Variants in CHURC1 observed in about 807,000 individuals in gnomAD.
CHURC1 encodes the protein protein Churchill.
Under a neutral mutation model 15.4 loss-of-function variants are expected in CHURC1, and 12 were observed. That is an observed-to-expected ratio of 0.78 (90% CI 0.50 to 1.27). The LOEUF (loss-of-function observed/expected upper bound fraction) is 1.27, where lower values mean the gene tolerates loss of function less well. Among genes scored for constraint, CHURC1 ranks in the 50% most tolerant of loss-of-function variants. The pLI is 0.00. For missense variants in CHURC1, 132 were observed against 137.8 expected (o/e 0.96, Z 0.21); for synonymous variants, 42 against 47.5 (o/e 0.88, Z 0.48).
intron 1 of CHURC1, 126 bp downstream of exon 1, chr14:64,914,660 T>C: frequency 2.6e-6 from 4 of 1,532,552 alleles, no homozygotes; most frequent in Non-Finnish European, 3.5e-6. Flanking sequence ...GGTGACCCAG[T>C]AGCGGTATTT....
Position 64,933,926 on chromosome 14 carries a change from A to G in CHURC1, c.*1696A>G. The G allele has an allele frequency of 1.0e-6, 1 of 985,370 alleles. No individual in the cohort carries two copies. The highest frequency in any genetic ancestry group is 4.7e-5 in the South Asian group (1 of 21,286). The allele number at this position is 985,370 out of a possible 1,614,324, so 61.0% of individuals were successfully genotyped here. On this transcript the variant is annotated 3_prime_UTR_variant, in exon 4 of 4. Transcript: ENST00000549115. ...TTAACAAATTCATAAGGTAGGTGCT[A>G]TTGATAGTTTAGCCATAACCAGATA...
intron 1 of CHURC1, 128 bp downstream of exon 1, chr14:64,914,662 G>A: frequency 6.5e-7 from 1 of 1,535,808 alleles, no homozygotes; most frequent in Non-Finnish European, 8.8e-7. Context: ...TGACCCAGTA[G>A]CGGTATTTAG....
At chr14:64,918,394 GACTA>G (rs1172888293) in intron 1 of CHURC1, among the ~76,000 whole-genome samples, 3 of 152,190 alleles carry the variant, frequency 2.0e-5, no homozygotes, top group South Asian at 4.1e-4. Flanking sequence ...GTTCAGTAGA[GACTA>G]ACTGACCATT....
At chr14:64,918,061 A>G (rs997083667) in intron 1 of CHURC1, among the ~76,000 whole-genome samples, 11 of 152,242 alleles carry the variant, frequency 7.2e-5, no homozygotes, top group Non-Finnish European at 1.0e-4. Flanking sequence ...GTAGAGAATC[A>G]AGGACTGAGC....
intron 1 of CHURC1, among the ~76,000 whole-genome samples, chr14:64,914,900 G>T (rs1883756770): frequency 6.6e-6 from 1 of 152,218 alleles, no homozygotes; most frequent in South Asian, 2.1e-4. Flanking sequence ...CGCTGGAGGG[G>T]ACCTCTGTGG....
At chr14:64,929,939 G>C (rs1594904340) in intron 3 of CHURC1, among the ~76,000 whole-genome samples, 1 of 143,324 alleles carries the variant, frequency 7.0e-6, no homozygotes, top group Non-Finnish European at 1.5e-5. Flanking sequence ...CCTAGCAAAA[G>C]CCCCCCCCCA....
rs2139896639 is a variant in CHURC1 at position 64,924,084 on chromosome 14, T to A, written c.133T>A (p.Ser45Thr). 1.9e-6 allele frequency: 3 copies of A among 1,608,748 alleles called. No individual in the cohort carries two copies. The highest frequency in any genetic ancestry group is 1.7e-6 in the Non-Finnish European group (2 of 1,177,224). The change falls in exon 2 of 4, where the codon TCC (serine) becomes ACC (threonine). Residue 45 changes from serine to threonine, a missense_variant. Transcript: ENST00000549115. ...GGATTTTATGCTGATCACAAACAAA[T>A]CCTTGAAAGAAGAAGATGGAGAAGA... is the stretch of plus-strand genomic sequence containing the variant. ...KRDFMLITNK[S>T]LKEEDGEEIV...
intron 1 of CHURC1, among the ~76,000 whole-genome samples, chr14:64,916,646 C>T (rs1315934639): frequency 5.9e-5 from 9 of 152,082 alleles, no homozygotes; most frequent in African/African-American, 1.9e-4. Flanking sequence ...GGCATGATCT[C>T]GGCTCACTGC....
intron 1 of CHURC1, among the ~76,000 whole-genome samples, chr14:64,920,990 G>T (rs1009993920): frequency 3.9e-5 from 6 of 152,180 alleles, no homozygotes; most frequent in Admixed American, 3.9e-4. Flanking sequence ...AAGAGAGTTT[G>T]ATATTAGTGG....
intron 3 of CHURC1, chr14:64,930,726 C>G: frequency 4.8e-6 from 2 of 414,604 alleles, no homozygotes; most frequent in South Asian, 3.5e-5. Context: ...GTTGAAAACT[C>G]AAGTATTTGT....
At chr14:64,916,783 T>C (rs1367815375) in intron 1 of CHURC1, among the ~76,000 whole-genome samples, 2 of 152,112 alleles carry the variant, frequency 1.3e-5, no homozygotes, top group Non-Finnish European at 2.9e-5. Context: ...TTTCGCCTTG[T>C]TAGCCAGGAT....
rs911869201 is a variant in CHURC1, at chr14:64,932,368, A to G, written c.*138A>G. 6.3e-6 allele frequency: 9 copies of G among 1,437,010 alleles called. No homozygotes were observed. In the Admixed American group the frequency reaches 8.0e-5, roughly 13 times the overall value. The allele number at this position is 1,437,010 out of a possible 1,614,324, so 89.0% of individuals were successfully genotyped here. ...CTTAGACTTACTTATTCTTTGAGGA[A>G]AAAAGGTAATGTAGGAGCTCATTGT... On this transcript the variant is annotated 3_prime_UTR_variant, in exon 4 of 4. Transcript: ENST00000549115.
chr14:64,928,567 CTATTTTCCT>C (rs1157915068), intron 3 of CHURC1, among the ~76,000 whole-genome samples: 2 of 152,108 alleles, frequency 1.3e-5, no homozygotes, highest in Non-Finnish European at 2.9e-5. Context: ...GGTCTTTACC[CTATTTTCCT>C]TATTTTCCTA....
rs199899033 is a variant in CHURC1, at chr14:64,931,068, TG to T, written c.247-1069del. 5.3e-3 allele frequency: 1,091 copies of T among 207,726 alleles called. 16 individuals are homozygous for T. The highest frequency in any genetic ancestry group is 0.024 in the African/African-American group (1,027 of 42,532). 12.9% of individuals were successfully genotyped at this position (207,726 alleles called of 1,614,324 possible). A position where few individuals can be genotyped will look rare whatever the true frequency, so the allele number is the denominator to read the frequency against. ...CCTAAGAAACACAAACTGCCTTGAC[TG>T]ATCAATTTCCAGACAGCTAGCAAAC... On this transcript the variant is annotated intron_variant, in intron 3 of 3. Coordinates refer to ENST00000549115, the MANE Select transcript of CHURC1 (RefSeq NM_001386928.1).
chr14:64,920,274 A>T (rs1473068234), intron 1 of CHURC1, among the ~76,000 whole-genome samples: 1 of 152,178 alleles, frequency 6.6e-6, no homozygotes, highest in East Asian at 1.9e-4. Context: ...TATCTGAATC[A>T]GATTTTCTAA....
intron 1 of CHURC1, among the ~76,000 whole-genome samples, chr14:64,923,273 C>CAA (rs563823780): frequency 1.9e-5 from 2 of 103,314 alleles, no homozygotes; most frequent in African/African-American, 7.6e-5. Context: ...TCTCAATTAC[C>CAA]AAAAAAAAAA....
chr14:64,933,638 T>G lies in CHURC1; in HGVS notation c.*1408T>G, dbSNP rs1204277806. 3 of 985,278 alleles carry G rather than the reference T, an allele frequency of 3.0e-6. No individual in the cohort carries two copies. Among genetic ancestry groups the G allele is most frequent in the Non-Finnish European group, 3.6e-6 (3 of 829,884 alleles). 61.0% of individuals were successfully genotyped at this position (985,278 alleles called of 1,614,324 possible). A position where few individuals can be genotyped will look rare whatever the true frequency, so the allele number is the denominator to read the frequency against. ...ATACTTTAGAAAGCATGTAAAGTACTAGAAACAATGAGGTGGCTTCAATTA... is the reference window on the plus strand; with the variant it reads ...ATACTTTAGAAAGCATGTAAAGTACGAGAAACAATGAGGTGGCTTCAATTA... On this transcript the variant is annotated 3_prime_UTR_variant, in exon 4 of 4. Transcript: ENST00000549115.
intron 1 of CHURC1, among the ~76,000 whole-genome samples, chr14:64,920,603 GATAC>G (rs1417784123): frequency 6.6e-6 from 1 of 152,190 alleles, no homozygotes. Context: ...CCAGACAACA[GATAC>G]ATAGATACTT....
At chr14:64,927,732 T>TCCCCCCCCCCCCCCCCCCCCCC (rs1566830855) in intron 3 of CHURC1, among the ~76,000 whole-genome samples, 9 of 106,672 alleles carry the variant, frequency 8.4e-5, no homozygotes, top group South Asian at 3.1e-4. Flanking sequence ...CCCCCCGCCG[T>TCCCCCCCCCCCCCCCCCCCCCC]CAATTCATAC....
Sources: allele counts gnomAD v4.1 joint callset (sites outside exome capture counted in the v4.1 genomes callset), GRCh38; gene constraint gnomAD v4.1.1; transcripts MANE v1.5; gene names NCBI Gene and HGNC (gene_info 2026-07-23, HGNC 2026-07-21).